Variants in CALM3 observed in about 807,000 individuals in gnomAD.
CALM3 encodes calmodulin 3, also known as calmodulin-3.
A neutral mutation model predicts 20.1 loss-of-function variants in CALM3; 5 were observed. That is an observed-to-expected ratio of 0.25 (90% confidence interval 0.13 to 0.52). CALM3 has a LOEUF of 0.52. CALM3 is among the 20% of genes least tolerant of loss of function. CALM3 has a pLI of 0.96. For synonymous variants in CALM3, 69 were observed against 68.1 expected (o/e 1.01, Z -0.06); for missense variants, 57 against 192.8 (o/e 0.30, Z 4.17).
At chr19:46,604,926 T>C (rs56765950) in intron 1 of CALM3, among the ~76,000 whole-genome samples, 63,884 of 150,388 alleles carry the variant, frequency 0.42, 14,079 homozygotes, top group African/African-American at 0.55. Flanking sequence ...TCACTATGCC[T>C]GGCTGATGCC....
Position 46,605,947 on chromosome 19 carries a change from G to A in CALM3, c.34+90G>A, listed in dbSNP as rs917862214. On this transcript the variant is annotated intron_variant, in intron 2 of 5. Transcript: ENST00000291295. This position sits in a 1 kb window ranked among gnomAD's most constrained non-coding sequence, Gnocchi z 4.1. Reference sequence around the variant, plus strand: ...CACTGAGGAGTGACATCTGATGGGTGAACCTGTGTATCCCTTGTGTCACCT... The same window carrying A: ...CACTGAGGAGTGACATCTGATGGGTAAACCTGTGTATCCCTTGTGTCACCT... The A allele has an allele frequency of 4.3e-6, 5 of 1,155,230 alleles. No individual in the cohort carries two copies. Among genetic ancestry groups the A allele is most frequent in the South Asian group, 1.2e-5 (1 of 81,094 alleles). The allele number at this position is 1,155,230 out of a possible 1,614,324, so 71.6% of individuals were successfully genotyped here. A position where few individuals can be genotyped will look rare whatever the true frequency, so the allele number is the denominator to read the frequency against.
intron 1 of CALM3, among the ~76,000 whole-genome samples, chr19:46,603,086 C>G (rs1971668727): frequency 6.6e-6 from 1 of 152,220 alleles, no homozygotes. Flanking sequence ...TCCCTGCCAC[C>G]CACAACACCC....
rs2122231385 is a variant in CALM3, at chr19:46,605,864, C to G, written c.34+7C>G. ...ACTGAGGAGCAGATTGCAGGTGAGT[C>G]TGCTATCCCCCTCATCTTAGCTCAG... On this transcript the variant is annotated splice_region_variant and intron_variant, in intron 2 of 5. Transcript: ENST00000291295. The surrounding 1 kb of genome is among the most constrained non-coding windows in gnomAD (Gnocchi z 4.1). The G allele has an allele frequency of 3.7e-6, 6 of 1,613,926 alleles. No individual in the cohort carries two copies. Among genetic ancestry groups the G allele is most frequent in the Non-Finnish European group, 1.7e-6 (2 of 1,179,790 alleles).
chr19:46,609,365 C>T lies in CALM3; in HGVS notation c.*212C>T. 6.5e-6 allele frequency: 4 copies of T among 613,186 alleles called. No homozygotes were observed. The highest frequency in any genetic ancestry group is 1.2e-5 in the Non-Finnish European group (4 of 343,018). 38.0% of individuals were successfully genotyped at this position (613,186 alleles called of 1,614,324 possible). The stretch of plus-strand genomic sequence containing the variant: ...TCTCTCTCCATGCCCCTCATCTCTT[C>T]CTTTTGCCCTCGCCTCTTCCATCCA... On this transcript the variant is annotated 3_prime_UTR_variant, in exon 6 of 6. Coordinates refer to ENST00000291295, the MANE Select transcript of CALM3 (RefSeq NM_005184.4).
intron 1 of CALM3, among the ~76,000 whole-genome samples, chr19:46,602,956 GC>G (rs1179225362): frequency 6.6e-6 from 1 of 152,226 alleles, no homozygotes; most frequent in Non-Finnish European, 1.5e-5. Context: ...ATCAGAGAGT[GC>G]CTCTGGGGAG....
chr19:46,610,430 T>C lies in CALM3; in HGVS notation c.*1277T>C, dbSNP rs1200768192. 6.6e-6 allele frequency: 1 copy of C among 152,144 alleles called. No individual in the cohort carries two copies. 9.4% of individuals were successfully genotyped at this position (152,144 alleles called of 1,614,324 possible). On this transcript the variant is annotated 3_prime_UTR_variant, in exon 6 of 6. Coordinates refer to ENST00000291295, the MANE Select transcript of CALM3 (RefSeq NM_005184.4). Reference sequence around the variant, plus strand: ...GGGCAGTTCAGTCGTCTGGGTTTTTTCCCCTTTTCTGTTCATTTCATCTGG... The same window carrying C: ...GGGCAGTTCAGTCGTCTGGGTTTTTCCCCCTTTTCTGTTCATTTCATCTGG...
intron 1 of CALM3, among the ~76,000 whole-genome samples, chr19:46,604,021 A>T (rs551112337): frequency 3.1e-4 from 47 of 152,332 alleles, no homozygotes; most frequent in South Asian, 2.3e-3. Context: ...AGGGCGGAAC[A>T]GTGGGCTGGG....
chr19:46,610,491 C>G lies in CALM3; in HGVS notation c.*1338C>G, dbSNP rs1325847501. 2 of 147,284 alleles carry G rather than the reference C, an allele frequency of 1.4e-5. No individual in the cohort carries two copies. Among genetic ancestry groups the G allele is most frequent in the Non-Finnish European group, 3.0e-5 (2 of 66,728 alleles). The allele number at this position is 147,284 out of a possible 1,614,324, so 9.1% of individuals were successfully genotyped here. On this transcript the variant is annotated 3_prime_UTR_variant, in exon 6 of 6. Transcript: ENST00000291295. ...CACCTCCCCACCCCACCCCCCACCCCCTGCTTCCCCTCACTGCCCAGGTCG... is the reference window on the plus strand; with the variant it reads ...CACCTCCCCACCCCACCCCCCACCCGCTGCTTCCCCTCACTGCCCAGGTCG...
chr19:46,603,106 C>G (rs1465349170), intron 1 of CALM3, among the ~76,000 whole-genome samples: 4 of 152,266 alleles, frequency 2.6e-5, no homozygotes, highest in Admixed American at 6.5e-5. Context: ...CACAGCCCCA[C>G]CAGGCTGAGC....
chr19:46,604,051 C>T (rs1192613657), intron 1 of CALM3, among the ~76,000 whole-genome samples: 1 of 152,206 alleles, frequency 6.6e-6, no homozygotes, highest in Non-Finnish European at 1.5e-5. Flanking sequence ...ACCTGGCTCG[C>T]TTTTTCCATT....
chr19:46,608,744 C>A lies in CALM3; in HGVS notation c.286-102C>A. 7.3e-7 allele frequency: 1 copy of A among 1,369,596 alleles called. No homozygotes were observed. Among genetic ancestry groups the A allele is most frequent in the Non-Finnish European group, 1.0e-6 (1 of 1,002,468 alleles). The allele number at this position is 1,369,596 out of a possible 1,614,324, so 84.8% of individuals were successfully genotyped here. ...CTGCCACCTCAGGCAGCCTCCCTCA[C>A]TGTGCTCACTGCTGAGGGATGGTGA... On this transcript the variant is annotated intron_variant, in intron 4 of 5. Transcript: ENST00000291295. The surrounding 1 kb of genome is among the most constrained non-coding windows in gnomAD (Gnocchi z 5.5).
chr19:46,604,601 C>T (rs572670367), intron 1 of CALM3, among the ~76,000 whole-genome samples: 17 of 142,990 alleles, frequency 1.2e-4, no homozygotes, highest in African/African-American at 2.1e-4. Flanking sequence ...ATATTTGGGA[C>T]GGGGATGGGG....
chr19:46,601,454 G>C lies in CALM3; in HGVS notation c.3+17G>C. On this transcript the variant is annotated intron_variant, in intron 1 of 5. Transcript: ENST00000291295. This position sits in a 1 kb window ranked among gnomAD's most constrained non-coding sequence, Gnocchi z 4.2. ...CTCGCCATGGTGAGTGAGGCTGGGG[G>C]GTCGCCGAGGCTGCGGGCTCTGAGG... 1 of 1,493,670 alleles carries C rather than the reference G, an allele frequency of 6.7e-7. No homozygotes were observed. The highest frequency in any genetic ancestry group is 8.9e-7 in the Non-Finnish European group (1 of 1,121,944). 92.5% of individuals were successfully genotyped at this position (1,493,670 alleles called of 1,614,324 possible).
At position 46,605,729 on chromosome 19, in the gene CALM3, G is replaced by C; in HGVS notation, c.4-98G>C. 1 of 1,197,366 alleles carries C rather than the reference G, an allele frequency of 8.4e-7. No individual in the cohort carries two copies. The highest frequency in any genetic ancestry group is 1.2e-6 in the Non-Finnish European group (1 of 805,564). The allele number at this position is 1,197,366 out of a possible 1,614,324, so 74.2% of individuals were successfully genotyped here. The stretch of plus-strand genomic sequence containing the variant: ...CCTGGCCCGGCGGGAATGGCACGTG[G>C]AGCTGGCCTCACTGGGGCCGAGGGT... On this transcript the variant is annotated intron_variant, in intron 1 of 5. Coordinates refer to ENST00000291295, the MANE Select transcript of CALM3 (RefSeq NM_005184.4). The surrounding 1 kb of genome is among the most constrained non-coding windows in gnomAD (Gnocchi z 4.1).
In CALM3 at chr19:46,608,914, C is replaced by T. The variant is rs750712140; in HGVS notation, c.354C>T (p.Thr118=). The T allele has an allele frequency of 2.5e-5, 40 of 1,608,780 alleles. No individual in the cohort carries two copies. Among genetic ancestry groups the T allele is most frequent in the East Asian group, 4.5e-5 (2 of 44,846 alleles). The part of the protein sequence containing the change: ...HVMTNLGEKL[T]DEEVDEMIRE... ...TGACGAACCTGGGGGAGAAGCTGAC[C>T]GATGAGGAGGTGGATGAGATGATCA... Residue 118 remains threonine, a synonymous_variant, in exon 5 of 6, where the codon ACC becomes ACT. Transcript: ENST00000291295. This position sits in a 1 kb window ranked among gnomAD's most constrained non-coding sequence, Gnocchi z 5.5.
intron 1 of CALM3, among the ~76,000 whole-genome samples, chr19:46,604,416 C>T (rs1971697502): frequency 6.6e-6 from 1 of 152,084 alleles, no homozygotes; most frequent in Non-Finnish European, 1.5e-5. Context: ...TGGACTTTTC[C>T]AGAATGTGCA....
Position 46,608,426 on chromosome 19 carries a change from C to T in CALM3, c.179-56C>T. 1 of 1,609,050 alleles carries T rather than the reference C, an allele frequency of 6.2e-7. No individual in the cohort carries two copies. The highest frequency in any genetic ancestry group is 8.5e-7 in the Non-Finnish European group (1 of 1,175,496). On this transcript the variant is annotated intron_variant, in intron 3 of 5. Transcript: ENST00000291295. This position sits in a 1 kb window ranked among gnomAD's most constrained non-coding sequence, Gnocchi z 5.5. ...GCCTCTCTCAGGGTGATGGATGAGC[C>T]CGTGTCTCTCAGGGCCCAGGCCAAG...
chr19:46,605,838 G>T lies in CALM3; in HGVS notation c.15G>T (p.Leu5=). Residue 5 remains leucine, a synonymous_variant, in exon 2 of 6, where the codon CTG becomes CTT. Transcript: ENST00000291295. This position sits in a 1 kb window ranked among gnomAD's most constrained non-coding sequence, Gnocchi z 4.1. ...TCATGCTTTTACAGGCTGACCAGCT[G>T]ACTGAGGAGCAGATTGCAGGTGAGT... The part of the protein sequence containing the change: MADQ[L]TEEQIAEFKE... 1 of 1,614,142 alleles carries T rather than the reference G, an allele frequency of 6.2e-7. No homozygotes were observed. Among genetic ancestry groups the T allele is most frequent in the South Asian group, 1.1e-5 (1 of 91,062 alleles).
chr19:46,602,252 T>G, intron 1 of CALM3: 1 of 1,328,440 alleles, frequency 7.5e-7, no homozygotes. Context: ...CAGGGACCCT[T>G]GGGGTTAATT....
Sources: gnomAD v4.1 joint callset for allele counts (sites outside exome capture counted in the v4.1 genomes callset) on GRCh38, gnomAD v4.1.1 for gene constraint, Gnocchi (gnomAD v3.1) non-coding constraint, MANE v1.5 for transcripts, NCBI Gene and HGNC (gene_info 2026-07-23, HGNC 2026-07-21) for gene names.